The following CLYBL variants were observed in gnomAD, a reference collection of about 807,000 sequenced individuals.
The protein encoded by CLYBL is citramalyl-CoA lyase, mitochondrial.
In CLYBL, 31 loss-of-function variants were observed where a neutral mutation model predicts 38.9. That is an observed-to-expected ratio of 0.80 (90% CI 0.60 to 1.08). The LOEUF (loss-of-function observed/expected upper bound fraction) is 1.08, where lower values mean the gene tolerates loss of function less well. Among genes scored for constraint, CLYBL ranks in the 50% least tolerant of loss-of-function variants. The probability of loss-of-function intolerance (pLI) is 0.00; values close to 1 mark genes in which losing one functional copy is unlikely to be tolerated. For synonymous variants in CLYBL, 171 were observed against 158.6 expected, an observed-to-expected ratio of 1.08 and a Z score of -0.59; for missense variants, 434 against 411.6, an observed-to-expected ratio of 1.05 and a Z score of -0.47.
chr13:99,728,023 A>G (rs2048509992), intron 1 of CLYBL, among the ~76,000 whole-genome samples: 1 of 152,174 alleles, frequency 6.6e-6, no homozygotes, highest in Non-Finnish European at 1.5e-5. Context: ...GGTTGCAGTG[A>G]GCAGAGATCA....
chr13:99,898,411 A>G (rs1014459520), downstream of CLYBL, among the ~76,000 whole-genome samples: 3 of 152,238 alleles, frequency 2.0e-5, no homozygotes, highest in Non-Finnish European at 4.4e-5. Flanking sequence ...GTAAAAACCA[A>G]CATGAACTTC....
chr13:99,884,214 A>G (rs2052287506), intron 7 of CLYBL, among the ~76,000 whole-genome samples: 1 of 152,142 alleles, frequency 6.6e-6, no homozygotes, highest in Non-Finnish European at 1.5e-5. Context: ...TGGCCAACTG[A>G]CCAGTGAATA....
chr13:99,765,035 TTTTTC>T (rs1256602598), intron 1 of CLYBL, among the ~76,000 whole-genome samples: 14 of 151,916 alleles, frequency 9.2e-5, no homozygotes, highest in African/African-American at 3.1e-4. Context: ...CCTTTAAATG[TTTTTC>T]TTTTCTTTTT....
intron 2 of CLYBL, among the ~76,000 whole-genome samples, chr13:99,826,043 G>C (rs1162120343): frequency 6.6e-6 from 1 of 152,162 alleles, no homozygotes; most frequent in Non-Finnish European, 1.5e-5. Flanking sequence ...ACTCTTCAGG[G>C]CCTGAAGGCC....
chr13:99,654,016 C>T (rs2047292436), intron 1 of CLYBL, among the ~76,000 whole-genome samples: 1 of 152,182 alleles, frequency 6.6e-6, no homozygotes, highest in African/African-American at 2.4e-5. Flanking sequence ...AGGTCTCAGG[C>T]TCCTTTAGCT....
At chr13:99,831,985 C>T (rs1212570985) in intron 2 of CLYBL, among the ~76,000 whole-genome samples, 3 of 152,202 alleles carry the variant, frequency 2.0e-5, no homozygotes, top group Admixed American at 6.5e-5. Context: ...AGCTCTGTCT[C>T]AATAGATCTT....
intron 1 of CLYBL, among the ~76,000 whole-genome samples, chr13:99,764,560 G>A (rs1482106349): frequency 6.6e-6 from 1 of 151,938 alleles, no homozygotes; most frequent in Non-Finnish European, 1.5e-5. Context: ...ATGATTCTTT[G>A]TATTTCCGTG....
chr13:99,802,023 C>T (rs959017079), intron 2 of CLYBL, among the ~76,000 whole-genome samples: 1 of 151,714 alleles, frequency 6.6e-6, no homozygotes, highest in Non-Finnish European at 1.5e-5. Flanking sequence ...TCTCAAAAAA[C>T]AAAAAAACAA....
chr13:99,658,752 AC>A (rs1342184080), intron 1 of CLYBL, among the ~76,000 whole-genome samples: 1 of 152,076 alleles, frequency 6.6e-6, no homozygotes. Flanking sequence ...AAACCAAACA[AC>A]AAAAACCCTC....
intron 1 of CLYBL, among the ~76,000 whole-genome samples, chr13:99,655,798 T>C (rs2047321549): frequency 6.6e-6 from 1 of 152,208 alleles, no homozygotes; most frequent in Non-Finnish European, 1.5e-5. Context: ...CTACGTCACA[T>C]TGGACTTGAC....
intron 1 of CLYBL, among the ~76,000 whole-genome samples, chr13:99,763,814 A>C (rs1471322014): frequency 1.3e-5 from 2 of 151,986 alleles, no homozygotes; most frequent in African/African-American, 4.8e-5. Context: ...TAGCCTCCCA[A>C]AGTGCTGGGA....
chr13:99,698,918 A>G (rs954399099), intron 1 of CLYBL, among the ~76,000 whole-genome samples: 4 of 152,230 alleles, frequency 2.6e-5, no homozygotes, highest in Non-Finnish European at 4.4e-5. Flanking sequence ...TTCACATTTT[A>G]TAGCACACCG....
chr13:99,855,149 C>T (rs1450254289), intron 2 of CLYBL, among the ~76,000 whole-genome samples: 1 of 151,614 alleles, frequency 6.6e-6, no homozygotes, highest in African/African-American at 2.4e-5. Flanking sequence ...CAGTCATTTC[C>T]AGCTTGTCAG....
chr13:99,895,641 C>G (rs911963971), downstream of CLYBL: 2 of 152,164 alleles, frequency 1.3e-5, no homozygotes, highest in Non-Finnish European at 2.9e-5. Context: ...GGCAGCTCTG[C>G]GCGGGCTGGT....
chr13:99,771,968 A>G (rs1324216356), intron 1 of CLYBL, among the ~76,000 whole-genome samples: 1 of 152,250 alleles, frequency 6.6e-6, no homozygotes, highest in African/African-American at 2.4e-5. Context: ...GTTGCCTACA[A>G]TTATAGAGGC....
At chr13:99,668,545 C>G (rs1306998877) in intron 1 of CLYBL, among the ~76,000 whole-genome samples, 2 of 144,388 alleles carry the variant, frequency 1.4e-5, no homozygotes, top group Non-Finnish European at 3.0e-5. Flanking sequence ...GAGATTATGC[C>G]ACTGCACTCC....
intron 1 of CLYBL, among the ~76,000 whole-genome samples, chr13:99,769,548 T>C (rs989791912): frequency 6.6e-6 from 1 of 152,222 alleles, no homozygotes; most frequent in Non-Finnish European, 1.5e-5. Flanking sequence ...ATAAGTAAAA[T>C]GTGGTTGTTG....
Position 99,783,144 on chromosome 13 carries a change from G to A in CLYBL, c.249+10134G>A, listed in dbSNP as rs527447405. On this transcript the variant is annotated intron_variant, in intron 2 of 8. Transcript: ENST00000339105. ...TGTAACCTCCGCCTCCTGGGTTCAA[G>A]CAATTCTCCTGCCTAGGCCTCCCAA... 4.6e-5 allele frequency among the ~76,000 whole-genome samples: 7 copies of A among 152,014 alleles called. No homozygotes were observed. In the East Asian group the frequency reaches 1.4e-3, roughly 29 times the overall value.
intron 1 of CLYBL, among the ~76,000 whole-genome samples, chr13:99,624,588 C>T (rs1173931792): frequency 2.6e-5 from 4 of 152,176 alleles, no homozygotes; most frequent in Middle Eastern, 3.2e-3. Context: ...GCGCATCTTC[C>T]GTACAACTGG....
Sources: allele counts gnomAD v4.1 joint callset (sites outside exome capture counted in the v4.1 genomes callset), GRCh38; gene constraint gnomAD v4.1.1; transcripts MANE v1.5; gene names NCBI Gene and HGNC (gene_info 2026-07-23, HGNC 2026-07-21).